MMP11: variants seen among roughly 807,000 people sequenced by gnomAD.
MMP11 encodes matrix metallopeptidase 11, also known as stromelysin-3.
MMP11 carries 26 observed loss-of-function variants against 49.5 expected under a neutral mutation model. The observed-to-expected ratio is 0.52, with a 90% CI of 0.38 to 0.73. MMP11 has a LOEUF of 0.73. MMP11 is among the 30% of genes least tolerant of loss of function. MMP11 has a pLI of 0.00. For synonymous variants in MMP11, 265 were observed against 282.3 expected (o/e 0.94, Z 0.62); for missense variants, 624 against 671.2 (o/e 0.93, Z 0.78).
At chr22:23,782,645 T>C in intron 7 of MMP11, 162 bp downstream of exon 7, 2 of 866,504 alleles carry the variant, frequency 2.3e-6, no homozygotes, top group Non-Finnish European at 3.4e-6. Context: ...CGGCTAGTGC[T>C]ACATTCCATA....
In MMP11 at chr22:23,783,838, C is replaced by T. The variant is rs1429714648; in HGVS notation, c.*294C>T. The T allele has an allele frequency of 2.1e-5, 10 of 468,474 alleles. No individual in the cohort carries two copies. The highest frequency in any genetic ancestry group is 3.9e-5 in the Non-Finnish European group (10 of 253,490). 29.0% of individuals were successfully genotyped at this position (468,474 alleles called of 1,614,324 possible). A position where few individuals can be genotyped will look rare whatever the true frequency, so the allele number is the denominator to read the frequency against. Reference sequence around the variant, plus strand: ...CTGGCAAACCTGGCTGCCCTGTCTCCATCCCTGTCCCTCAGGGTAGCACCA... The same window carrying T: ...CTGGCAAACCTGGCTGCCCTGTCTCTATCCCTGTCCCTCAGGGTAGCACCA... On this transcript the variant is annotated 3_prime_UTR_variant, in exon 8 of 8. Transcript: ENST00000215743.
intron 6 of MMP11, 172 bp from the exon 7 acceptor site, chr22:23,782,054 C>A: frequency 2.1e-6 from 2 of 950,420 alleles, no homozygotes; most frequent in Non-Finnish European, 3.2e-6. Flanking sequence ...TTATCCCAGG[C>A]CTCCCGCTTC....
rs1169992251 is a variant in MMP11, at chr22:23,780,265, ACACACCCAC to A, written c.339-91_339-83del. On this transcript the variant is annotated intron_variant, in intron 2 of 7. Transcript: ENST00000215743. The surrounding 1 kb of genome is among the most constrained non-coding windows in gnomAD (Gnocchi z 4.6). Reference sequence around the variant, plus strand: ...CACCTGGCCTGTGTCCTGAGTGTTCACACACCCACCAAGCATCCAGGGGCAACTCCTGGT... The same window carrying A: ...CACCTGGCCTGTGTCCTGAGTGTTCACAAGCATCCAGGGGCAACTCCTGGT... The A allele has an allele frequency of 1.2e-5, 19 of 1,521,184 alleles. No homozygotes were observed. The highest frequency in any genetic ancestry group is 1.6e-5 in the Non-Finnish European group (18 of 1,112,698). The allele number at this position is 1,521,184 out of a possible 1,614,324, so 94.2% of individuals were successfully genotyped here. A position where few individuals can be genotyped will look rare whatever the true frequency, so the allele number is the denominator to read the frequency against.
At chr22:23,782,200 T>C (rs1019650628) in intron 6 of MMP11, 26 bp from the exon 7 acceptor site, 1 of 1,594,788 alleles carries the variant, frequency 6.3e-7, no homozygotes. Flanking sequence ...GCTGGGCAGG[T>C]CCTTGCAGCC....
At chr22:23,776,694 C>T (rs1004621802) in intron 1 of MMP11, among the ~76,000 whole-genome samples, 3 of 152,188 alleles carry the variant, frequency 2.0e-5, no homozygotes, top group African/African-American at 7.2e-5. Flanking sequence ...GGGCCCATTT[C>T]CTCATCCTGG....
intron 1 of MMP11, among the ~76,000 whole-genome samples, chr22:23,777,422 C>T (rs1291242319): frequency 6.6e-6 from 1 of 151,982 alleles, no homozygotes; most frequent in Non-Finnish European, 1.5e-5. Context: ...AAAAAATTAG[C>T]CGGGCATGGC....
Position 23,783,480 on chromosome 22 carries a change from G to T in MMP11, c.1403G>T (p.Gly468Val). Residue 468 changes from glycine (G) to valine (V), a missense_variant, in exon 8 of 8, where the codon GGC (glycine) becomes GTC (valine). Transcript: ENST00000215743. ...FDPVKVKALEGFPRLVGPDFF... is the reference protein window; with the variant it reads ...FDPVKVKALEVFPRLVGPDFF... Reference sequence around the variant, plus strand: ...CCTGTGAAGGTGAAGGCTCTGGAAGGCTTCCCCCGTCTCGTGGGTCCTGAC... The same window carrying T: ...CCTGTGAAGGTGAAGGCTCTGGAAGTCTTCCCCCGTCTCGTGGGTCCTGAC... 4 of 1,614,186 alleles carry T rather than the reference G, an allele frequency of 2.5e-6. No homozygotes were observed. Among genetic ancestry groups the T allele is most frequent in the Non-Finnish European group, 3.4e-6 (4 of 1,180,016 alleles).
chr22:23,772,875 C>A lies in MMP11; in HGVS notation c.5C>A (p.Ala2Asp), dbSNP rs1345948587. The A allele has an allele frequency of 1.6e-5, 19 of 1,158,206 alleles. No homozygotes were observed. In the African/African-American group the frequency reaches 3.1e-4, roughly 19 times the overall value. The allele number at this position is 1,158,206 out of a possible 1,614,324, so 71.7% of individuals were successfully genotyped here. A position where few individuals can be genotyped will look rare whatever the true frequency, so the allele number is the denominator to read the frequency against. The part of the protein sequence containing the change: M[A>D]PAAWLRSAAA... The stretch of plus-strand genomic sequence containing the variant: ...AGCCCAGCAGCCCCGGGGCGGATGG[C>A]TCCGGCCGCCTGGCTCCGCAGCGCG... The change falls in exon 1 of 8, where the codon GCT becomes GAT. Residue 2 changes from alanine to aspartate, a missense_variant. By Grantham distance (126) the Ala-to-Asp change is moderately radical (BLOSUM62 -2). Coordinates refer to ENST00000215743, the MANE Select transcript of MMP11 (RefSeq NM_005940.5).
At position 23,779,383 on chromosome 22, in the gene MMP11, G is replaced by GCGGGCGCTGGGAGAAGA; in HGVS notation, c.309_325dup (p.Asp109GlyfsTer32). 1 of 1,612,880 alleles carries GCGGGCGCTGGGAGAAGA rather than the reference G, an allele frequency of 6.2e-7. No homozygotes were observed. Among genetic ancestry groups the GCGGGCGCTGGGAGAAGA allele is most frequent in the East Asian group, 2.2e-5 (1 of 44,878 alleles). The stretch of plus-strand genomic sequence containing the variant: ...CGACAGAAGAGGTTCGTGCTTTCTG[G>GCGGGCGCTGGGAGAAGA]CGGGCGCTGGGAGAAGACGGACCTC... On this transcript the variant is annotated frameshift_variant, in exon 2 of 8. Transcript: ENST00000215743. LOFTEE classifies it high-confidence loss of function.
rs1260253106 is a variant in MMP11, at chr22:23,783,738, G to A, written c.*194G>A. ...ACGCAGGTCGTGGTCACCTGCCAGC[G>A]ACTGTCTCAGACTGGGCAGGGAGGC... On this transcript the variant is annotated 3_prime_UTR_variant, in exon 8 of 8. Coordinates refer to ENST00000215743, the MANE Select transcript of MMP11 (RefSeq NM_005940.5). The A allele has an allele frequency of 1.2e-5, 8 of 665,394 alleles. No homozygotes were observed. Among genetic ancestry groups the A allele is most frequent in the South Asian group, 3.7e-5 (2 of 53,994 alleles). The allele number at this position is 665,394 out of a possible 1,614,324, so 41.2% of individuals were successfully genotyped here. A position where few individuals can be genotyped will look rare whatever the true frequency, so the allele number is the denominator to read the frequency against.
intron 1 of MMP11, among the ~76,000 whole-genome samples, chr22:23,774,520 G>A (rs982214610): frequency 6.6e-6 from 1 of 152,156 alleles, no homozygotes; most frequent in Non-Finnish European, 1.5e-5. Flanking sequence ...GCAGTCCGAT[G>A]GATGGGACGA....
chr22:23,783,412 C>T lies in MMP11; in HGVS notation c.1335C>T (p.Gly445=). The T allele has an allele frequency of 6.2e-7, 1 of 1,614,170 alleles. No individual in the cohort carries two copies. The highest frequency in any genetic ancestry group is 8.5e-7 in the Non-Finnish European group (1 of 1,180,020). The change falls in exon 8 of 8, where the codon GGC becomes GGT. Residue 445 remains glycine, a splice_region_variant and synonymous_variant. Transcript: ENST00000215743. ...GGCTTGACCACCTTCTCTTCTCAGG[C>T]TATGCCTACTTCCTGCGCGGCCGCC... is the stretch of plus-strand genomic sequence containing the variant. ...EIDAAFQDAD[G]YAYFLRGRLY...
chr22:23,779,547 A>C (rs961036560), intron 2 of MMP11, 131 bp downstream of exon 2: 1 of 820,274 alleles, frequency 1.2e-6, no homozygotes, highest in Non-Finnish European at 1.9e-6. Flanking sequence ...GTGTCCACTG[A>C]ACCCCAGGGA....
chr22:23,778,226 C>A (rs1488205051), intron 1 of MMP11, among the ~76,000 whole-genome samples: 1 of 152,246 alleles, frequency 6.6e-6, no homozygotes, highest in Non-Finnish European at 1.5e-5. Flanking sequence ...CCTGGCCTGG[C>A]CTTGCCATGC....
chr22:23,778,689 A>C (rs1316266462), intron 1 of MMP11, among the ~76,000 whole-genome samples: 1 of 152,186 alleles, frequency 6.6e-6, no homozygotes, highest in African/African-American at 2.4e-5. Flanking sequence ...AGGTGGGGGA[A>C]ATCCTGGGCA....
chr22:23,780,722 G>T lies in MMP11; in HGVS notation c.616+7G>T. 6.5e-7 allele frequency: 1 copy of T among 1,548,250 alleles called. No homozygotes were observed. The highest frequency in any genetic ancestry group is 8.7e-7 in the Non-Finnish European group (1 of 1,150,368). Reference sequence around the variant, plus strand: ...ACTATCGGGGATGACCAGGGTATGGGCTGGGGACCCATTTTCCAGATGGGG... The same window carrying T: ...ACTATCGGGGATGACCAGGGTATGGTCTGGGGACCCATTTTCCAGATGGGG... On this transcript the variant is annotated splice_region_variant and intron_variant, in intron 4 of 7. Transcript: ENST00000215743. This position sits in a 1 kb window ranked among gnomAD's most constrained non-coding sequence, Gnocchi z 4.6.
rs775253264 is a variant in MMP11, at chr22:23,782,479, T to G, written c.1329T>G (p.Ala443=). 2 of 1,608,384 alleles carry G rather than the reference T, an allele frequency of 1.2e-6. No individual in the cohort carries two copies. The highest frequency in any genetic ancestry group is 3.3e-5 in the Admixed American group (2 of 59,766). ...PSEIDAAFQD[A]DGYAYFLRGR... The stretch of plus-strand genomic sequence containing the variant: ...AGATCGACGCTGCCTTCCAGGATGC[T>G]GATGGTGCGTTGGGGGTGAGGCAGC... The change falls in exon 7 of 8, where the codon GCT becomes GCG. Residue 443 remains alanine, a synonymous_variant. Coordinates refer to ENST00000215743, the MANE Select transcript of MMP11 (RefSeq NM_005940.5).
At position 23,780,371 on chromosome 22, in the gene MMP11, C is replaced by A. The variant is rs747180577; in HGVS notation, c.351C>A (p.Phe117Leu). 1 of 1,613,102 alleles carries A rather than the reference C, an allele frequency of 6.2e-7. No individual in the cohort carries two copies. Among genetic ancestry groups the A allele is most frequent in the Non-Finnish European group, 8.5e-7 (1 of 1,180,026 alleles). ...KTDLTYRILR[F>L]PWQLVQEQVR... ...CATCTCCCTCCAGGATCCTTCGGTT[C>A]CCATGGCAGTTGGTGCAGGAGCAGG... Residue 117 changes from phenylalanine (F) to leucine (L), a missense_variant, in exon 3 of 8, where the codon TTC becomes TTA. By Grantham distance (22) the Phe-to-Leu change is conservative. Transcript: ENST00000215743. This position sits in a 1 kb window ranked among gnomAD's most constrained non-coding sequence, Gnocchi z 4.6.
At position 23,782,495 on chromosome 22, in the gene MMP11, G is replaced by A. The variant is rs1927676766; in HGVS notation, c.1333+12G>A. On this transcript the variant is annotated intron_variant, in intron 7 of 7. Transcript: ENST00000215743. ...CCAGGATGCTGATGGTGCGTTGGGG[G>A]TGAGGCAGCTGGTGGGAGGTGGGCA... 1 of 1,597,358 alleles carries A rather than the reference G, an allele frequency of 6.3e-7. No homozygotes were observed. The highest frequency in any genetic ancestry group is 1.3e-5 in the African/African-American group (1 of 74,736).
Sources: allele counts gnomAD v4.1 joint callset (sites outside exome capture counted in the v4.1 genomes callset), GRCh38; gene constraint gnomAD v4.1.1; non-coding constraint Gnocchi (gnomAD v3.1); transcripts MANE v1.5; gene names NCBI Gene and HGNC (gene_info 2026-07-23, HGNC 2026-07-21).